STAT4: variants seen among roughly 807,000 people sequenced by gnomAD.
The protein encoded by STAT4 is signal transducer and activator of transcription 4.
STAT4 carries 42 observed loss-of-function variants against 110.5 expected under a neutral mutation model. That is an observed-to-expected ratio of 0.38 (90% CI 0.30 to 0.49). The LOEUF is 0.49. STAT4 is among the 20% of genes least tolerant of loss of function. The pLI is 0.95. For missense variants in STAT4, 632 were observed against 887.9 expected, an observed-to-expected ratio of 0.71 and a Z score of 3.66; for synonymous variants, 284 against 302.2, an observed-to-expected ratio of 0.94 and a Z score of 0.63.
rs1052936675 is a variant in STAT4 at position 191,051,694 on chromosome 2, C to T, written c.1251+2796G>A. ...CTGTGAGATAGATGGGGTGAGGTGACGGGGCAGTAGGAGTGCCAACCAGCT... is the reference window on the plus strand; with the variant it reads ...CTGTGAGATAGATGGGGTGAGGTGATGGGGCAGTAGGAGTGCCAACCAGCT... On this transcript the variant is annotated intron_variant, in intron 14 of 23. Coordinates refer to ENST00000392320, the MANE Select transcript of STAT4 (RefSeq NM_003151.4). This position sits in a 1 kb window ranked among gnomAD's most constrained non-coding sequence, Gnocchi z 5.6. Among the ~76,000 whole-genome samples the T allele has an allele frequency of 1.3e-5, 2 of 152,120 alleles. No individual in the cohort carries two copies. The highest frequency in any genetic ancestry group is 2.4e-5 in the African/African-American group (1 of 41,410).
At chr2:191,069,505 T>C (rs1222428033) in intron 6 of STAT4, among the ~76,000 whole-genome samples, 188 bp downstream of exon 6, 1 of 152,036 alleles carries the variant, frequency 6.6e-6, no homozygotes, top group Non-Finnish European at 1.5e-5. Context: ...ACACACACAG[T>C]TAAACACGCA....
intron 3 of STAT4, among the ~76,000 whole-genome samples, chr2:191,080,192 T>C (rs1382444193): frequency 1.3e-5 from 2 of 152,128 alleles, no homozygotes; most frequent in Non-Finnish European, 2.9e-5. Context: ...TATACCACAA[T>C]GCTTTTTATC....
At chr2:191,106,669 A>C (rs1698291241) in intron 3 of STAT4, among the ~76,000 whole-genome samples, 1 of 149,996 alleles carries the variant, frequency 6.7e-6, no homozygotes, top group South Asian at 2.1e-4. Context: ...AAATAAAATA[A>C]AATAAAATAA....
rs748633509 is a variant in STAT4, at chr2:191,131,767, C to G, written c.273+14846G>C. On this transcript the variant is annotated intron_variant, in intron 3 of 23. Coordinates refer to ENST00000392320, the MANE Select transcript of STAT4 (RefSeq NM_003151.4). ...ATAGATGGGTACTAAATTCCTGTAT[C>G]TTGGTTTCCTCAATTAGTATCATCT... The G allele has an allele frequency of 9.9e-5, 129 of 1,298,954 alleles. 1 individual carries two copies. Among genetic ancestry groups the G allele is most frequent in the Non-Finnish European group, 1.2e-4 (124 of 1,014,384 alleles). 80.5% of individuals were successfully genotyped at this position (1,298,954 alleles called of 1,614,324 possible).
chr2:191,144,081 A>G lies in STAT4; in HGVS notation c.273+2532T>C, dbSNP rs1221257853. On this transcript the variant is annotated intron_variant, in intron 3 of 23. Transcript: ENST00000392320. The surrounding 1 kb of genome is among the most constrained non-coding windows in gnomAD (Gnocchi z 4.7). Reference sequence around the variant, plus strand: ...TTCAACTCAAATATCTTAATTCACCAAATTGTTTTTTGAATTCCTAGTGTG... The same window carrying G: ...TTCAACTCAAATATCTTAATTCACCGAATTGTTTTTTGAATTCCTAGTGTG... Among the ~76,000 whole-genome samples, 2 of 152,152 alleles carry G rather than the reference A, an allele frequency of 1.3e-5. No homozygotes were observed. Among genetic ancestry groups the G allele is most frequent in the Non-Finnish European group, 2.9e-5 (2 of 68,020 alleles).
At position 191,131,848 on chromosome 2, in the gene STAT4, C is replaced by T. The variant is rs1030532807; in HGVS notation, c.273+14765G>A. ...GGGACAAGATTTGGACCTTTGAATG[C>T]AGGTTTCTCCATGTCGATCCAAGGG... On this transcript the variant is annotated intron_variant, in intron 3 of 23. Transcript: ENST00000392320. The T allele has an allele frequency of 6.2e-6, 9 of 1,452,514 alleles. No homozygotes were observed. In the East Asian group the frequency reaches 2.5e-4, roughly 41 times the overall value. 90.0% of individuals were successfully genotyped at this position (1,452,514 alleles called of 1,614,324 possible).
In STAT4 at chr2:191,101,196, T is replaced by C. The variant is rs150644313; in HGVS notation, c.274-24871A>G. On this transcript the variant is annotated intron_variant, in intron 3 of 23. Coordinates refer to ENST00000392320, the MANE Select transcript of STAT4 (RefSeq NM_003151.4). ...AATTTTAAATGCAAAATCCCTAAGA[T>C]TGATAAAAATAACTGAGAAAAAATC... is the stretch of plus-strand genomic sequence containing the variant. 7.4e-3 allele frequency among the ~76,000 whole-genome samples: 1,132 copies of C among 152,216 alleles called. 9 individuals carry two copies. The highest frequency in any genetic ancestry group is 0.02 in the Middle Eastern group (6 of 294).
In STAT4 at chr2:191,054,804, A is replaced by T. The variant is rs538535790; in HGVS notation, c.1207-270T>A. On this transcript the variant is annotated intron_variant, in intron 13 of 23. Coordinates refer to ENST00000392320, the MANE Select transcript of STAT4 (RefSeq NM_003151.4). ...GTCAACATTTTCGAAAAAGGAAATC[A>T]TGCTGGGAACTTTCAGAATCTATAC... 2.0e-5 allele frequency among the ~76,000 whole-genome samples: 3 copies of T among 152,320 alleles called. No individual in the cohort carries two copies. In the East Asian group the frequency reaches 5.8e-4, roughly 29 times the overall value.
rs369256225 is a variant in STAT4, at chr2:191,146,679, A to T, written c.207T>A (p.Gly69=). The T allele has an allele frequency of 1.3e-6, 2 of 1,595,792 alleles. No homozygotes were observed. The highest frequency in any genetic ancestry group is 2.7e-5 in the African/African-American group (2 of 74,198). ...GTAGGTTTTTCTCTTTGGAAACACGACCTAACTGTTCATCCAGTTGTATTA... is the reference window on the plus strand; with the variant it reads ...GTAGGTTTTTCTCTTTGGAAACACGTCCTAACTGTTCATCCAGTTGTATTA... ...NLLIQLDEQL[G]RVSKEKNLLL... Residue 69 remains glycine, a synonymous_variant, in exon 3 of 24, where the codon GGT becomes GGA. Transcript: ENST00000392320. This position sits in a 1 kb window ranked among gnomAD's most constrained non-coding sequence, Gnocchi z 4.5.
chr2:191,047,297 GTTCCCC>G (rs1696378487), intron 14 of STAT4, among the ~76,000 whole-genome samples: 1 of 152,164 alleles, frequency 6.6e-6, no homozygotes, highest in Non-Finnish European at 1.5e-5. Context: ...TAAGTGAAAT[GTTCCCC>G]TGAGTTTTGT....
rs750900298 is a variant in STAT4, at chr2:191,037,714, G to T, written c.1435-1415C>A. Among the ~76,000 whole-genome samples the T allele has an allele frequency of 6.6e-6, 1 of 152,202 alleles. No homozygotes were observed. The highest frequency in any genetic ancestry group is 1.5e-5 in the Non-Finnish European group (1 of 68,040). ...TCAAGAGATTTCAGAAGGTGGGAAT[G>T]AAAGAGGACACAGCATCCAACAAGG... On this transcript the variant is annotated intron_variant, in intron 16 of 23. Transcript: ENST00000392320. The surrounding 1 kb of genome is among the most constrained non-coding windows in gnomAD (Gnocchi z 4.8).
In STAT4 at chr2:191,113,939, A is replaced by C. The variant is rs1698496857; in HGVS notation, c.273+32674T>G. On this transcript the variant is annotated intron_variant, in intron 3 of 23. Transcript: ENST00000392320. This position sits in a 1 kb window ranked among gnomAD's most constrained non-coding sequence, Gnocchi z 4.8. ...CTTCTGCTCAACCACCACAGACAGG[A>C]GGTTCCCCTAGAGTTTATGGCTGAT... Among the ~76,000 whole-genome samples, 1 of 152,222 alleles carries C rather than the reference A, an allele frequency of 6.6e-6. No homozygotes were observed. Among genetic ancestry groups the C allele is most frequent in the African/African-American group, 2.4e-5 (1 of 41,462 alleles).
intron 4 of STAT4, among the ~76,000 whole-genome samples, chr2:191,075,016 C>T (rs1322327943): frequency 1.3e-5 from 2 of 151,918 alleles, no homozygotes; most frequent in South Asian, 2.1e-4. Context: ...AAAACTTAGC[C>T]AGGTGTGGTG....
intron 3 of STAT4, among the ~76,000 whole-genome samples, chr2:191,125,188 G>A (rs1698842314): frequency 6.6e-6 from 1 of 152,094 alleles, no homozygotes; most frequent in African/African-American, 2.4e-5. Context: ...GTTTGATATG[G>A]TACAGATTAT....
rs1250965703 is a variant in STAT4 at position 191,035,185 on chromosome 2, G to T, written c.1571-588C>A. 6.6e-6 allele frequency among the ~76,000 whole-genome samples: 1 copy of T among 152,170 alleles called. No individual in the cohort carries two copies. Among genetic ancestry groups the T allele is most frequent in the Non-Finnish European group, 1.5e-5 (1 of 68,022 alleles). On this transcript the variant is annotated intron_variant, in intron 17 of 23. Transcript: ENST00000392320. This position sits in a 1 kb window ranked among gnomAD's most constrained non-coding sequence, Gnocchi z 4.7. The stretch of plus-strand genomic sequence containing the variant: ...TACTCATAAGAATAATTTGATAAAG[G>T]TCTGAAAGGATATGGTTTCTATCTA...
Position 191,062,660 on chromosome 2 carries a change from G to C in STAT4, c.941+102C>G. On this transcript the variant is annotated intron_variant, in intron 9 of 23. Transcript: ENST00000392320. The surrounding 1 kb of genome is among the most constrained non-coding windows in gnomAD (Gnocchi z 4.9). ...TATTCACTTCTCCCTGAGGCTCGTT[G>C]TTGAATACTTCCCTGCCACTCTTCC... The C allele has an allele frequency of 7.6e-7, 1 of 1,315,198 alleles. No individual in the cohort carries two copies. The highest frequency in any genetic ancestry group is 1.1e-6 in the Non-Finnish European group (1 of 939,230). 81.5% of individuals were successfully genotyped at this position (1,315,198 alleles called of 1,614,324 possible). A position where few individuals can be genotyped will look rare whatever the true frequency, so the allele number is the denominator to read the frequency against.
Position 191,150,984 on chromosome 2 carries a change from A to G in STAT4, c.-39T>C. On this transcript the variant is annotated 5_prime_UTR_variant, in exon 1 of 24. Coordinates refer to ENST00000392320, the MANE Select transcript of STAT4 (RefSeq NM_003151.4). This position sits in a 1 kb window ranked among gnomAD's most constrained non-coding sequence, Gnocchi z 6.4. Reference sequence around the variant, plus strand: ...CAGCACAGGTCCCAGGCAGTGCTCAAGTCCAAAGTCAGAAGCGCCCCTCAC... The same window carrying G: ...CAGCACAGGTCCCAGGCAGTGCTCAGGTCCAAAGTCAGAAGCGCCCCTCAC... The G allele has an allele frequency of 1.0e-6, 1 of 985,726 alleles. No individual in the cohort carries two copies. 61.1% of individuals were successfully genotyped at this position (985,726 alleles called of 1,614,324 possible).
In STAT4 at chr2:191,090,090, A is replaced by T. The variant is rs13390936; in HGVS notation, c.274-13765T>A. Reference sequence around the variant, plus strand: ...TAATATAATATTGTAATAATATAAAATTGTAACAAGTACATCACACTAATG... The same window carrying T: ...TAATATAATATTGTAATAATATAAATTTGTAACAAGTACATCACACTAATG... On this transcript the variant is annotated intron_variant, in intron 3 of 23. Coordinates refer to ENST00000392320, the MANE Select transcript of STAT4 (RefSeq NM_003151.4). The surrounding 1 kb of genome is among the most constrained non-coding windows in gnomAD (Gnocchi z 4.2). 0.085 allele frequency among the ~76,000 whole-genome samples: 12,881 copies of T among 152,204 alleles called. 578 individuals carry two copies. The highest frequency in any genetic ancestry group is 0.11 in the East Asian group (553 of 5,190).
chr2:191,093,496 C>T (rs1057083106), intron 3 of STAT4, among the ~76,000 whole-genome samples: 2 of 152,158 alleles, frequency 1.3e-5, no homozygotes, highest in Non-Finnish European at 1.5e-5. Flanking sequence ...AGCTGAGGGA[C>T]CTGACTGTGA....
Sources: gnomAD v4.1 joint callset for allele counts (sites outside exome capture counted in the v4.1 genomes callset) on GRCh38, gnomAD v4.1.1 for gene constraint, Gnocchi (gnomAD v3.1) non-coding constraint, MANE v1.5 for transcripts, NCBI Gene and HGNC (gene_info 2026-07-23, HGNC 2026-07-21) for gene names.